Variants in IFNLR1 observed in about 807,000 individuals in gnomAD.
The protein encoded by IFNLR1 is CRF2-12.
IFNLR1 carries 28 observed loss-of-function variants against 52.5 expected under a neutral mutation model. The ratio of observed to expected loss-of-function variants is 0.53; its 90% CI spans 0.40 to 0.73. IFNLR1 has a LOEUF of 0.73. Among genes scored for constraint, IFNLR1 ranks in the 30% least tolerant of loss-of-function variants. The probability of loss-of-function intolerance (pLI) is 0.00; values close to 1 mark genes in which losing one functional copy is unlikely to be tolerated. For missense variants in IFNLR1, 623 were observed against 659.1 expected (o/e 0.95, Z 0.60); for synonymous variants, 276 against 274.9 (o/e 1.00, Z -0.04).
intron 1 of IFNLR1, among the ~76,000 whole-genome samples, chr1:24,183,096 C>G (rs1644707707): frequency 6.6e-6 from 1 of 152,090 alleles, no homozygotes; most frequent in Non-Finnish European, 1.5e-5. Context: ...GTTTTCAGTT[C>G]TGCTCTAGAT....
At chr1:24,186,596 G>A (rs1644741283) in intron 1 of IFNLR1, among the ~76,000 whole-genome samples, 1 of 152,054 alleles carries the variant, frequency 6.6e-6, no homozygotes, top group South Asian at 2.1e-4. Context: ...TGGGCGGTGA[G>A]GTTTGGTGGT....
chr1:24,182,019 G>T (rs186300961), intron 1 of IFNLR1, among the ~76,000 whole-genome samples: 2 of 152,220 alleles, frequency 1.3e-5, no homozygotes, highest in Admixed American at 6.5e-5. Flanking sequence ...GGCCAACTTG[G>T]TGAAACCTCG....
In IFNLR1 at chr1:24,155,010, A is replaced by C. The variant is rs953528977; in HGVS notation, c.*2120T>G. ...CTGATGATAGCTTTTACTTTTTTGA[A>C]GTTACCTCCACGAAGCAGCTCGGCT... On this transcript the variant is annotated 3_prime_UTR_variant, in exon 7 of 7. Transcript: ENST00000327535. 2.6e-5 allele frequency: 4 copies of C among 152,260 alleles called. No homozygotes were observed. The highest frequency in any genetic ancestry group is 5.9e-5 in the Non-Finnish European group (4 of 68,064). 9.4% of individuals were successfully genotyped at this position (152,260 alleles called of 1,614,324 possible).
chr1:24,173,591 T>A (rs548164447), intron 2 of IFNLR1, among the ~76,000 whole-genome samples: 35 of 150,736 alleles, frequency 2.3e-4, no homozygotes, highest in Admixed American at 1.3e-3. Context: ...AGATCCATTT[T>A]TCTTCTCCCT....
intron 2 of IFNLR1, 92 bp from the exon 3 acceptor site, chr1:24,169,693 G>A: frequency 1.5e-6 from 2 of 1,356,720 alleles, no homozygotes; most frequent in Non-Finnish European, 2.0e-6. Context: ...CCCTCTGTTT[G>A]GCTGGACTGA....
intron 3 of IFNLR1, among the ~76,000 whole-genome samples, chr1:24,163,053 C>T (rs1250743702): frequency 4.1e-5 from 6 of 147,296 alleles, no homozygotes; most frequent in African/African-American, 1.3e-4. Context: ...CTCTGCCTCC[C>T]GGATTCATGC....
At chr1:24,178,997 G>A (rs1409031551) in intron 2 of IFNLR1, among the ~76,000 whole-genome samples, 2 of 152,080 alleles carry the variant, frequency 1.3e-5, no homozygotes, top group African/African-American at 4.8e-5. Context: ...TTGGAGTGCA[G>A]TGGTGTGATC....
intron 3 of IFNLR1, among the ~76,000 whole-genome samples, chr1:24,165,128 C>T (rs1351915486): frequency 2.0e-5 from 3 of 152,074 alleles, no homozygotes; most frequent in African/African-American, 7.2e-5. Flanking sequence ...AGTCCTGGTT[C>T]CTTTCTGTTT....
chr1:24,169,438 A>T lies in IFNLR1; in HGVS notation c.346T>A (p.Tyr116Asn). Residue 116 changes from tyrosine (Y) to asparagine (N), a missense_variant, in exon 3 of 7, where the codon TAC (tyrosine) becomes AAC (asparagine). Transcript: ENST00000327535. ...SSKSPWVESE[Y>N]LDYLFEVEPA... ...CTACCTTCAAAAAGGTAATCCAGGT[A>T]TTCGGACTCCACCCAGGGGGACTTG... 2 of 1,614,146 alleles carry T rather than the reference A, an allele frequency of 1.2e-6. No individual in the cohort carries two copies. The highest frequency in any genetic ancestry group is 2.7e-5 in the African/African-American group (2 of 75,066).
In IFNLR1 at chr1:24,172,818, A is replaced by ATT. The variant is rs1205380465; in HGVS notation, c.183-3218_183-3217insAA. The stretch of plus-strand genomic sequence containing the variant: ...GGAAGTCCAAGATCAAGGCATCAGC[A>ATT]GGTTTGGTTTCTACTGAGGCCTCTC... On this transcript the variant is annotated intron_variant, in intron 2 of 6. Transcript: ENST00000327535. 7.2e-5 allele frequency among the ~76,000 whole-genome samples: 11 copies of ATT among 152,298 alleles called. No individual in the cohort carries two copies. The East Asian group carries it at 2.1e-3, about 29-fold the overall frequency.
intron 5 of IFNLR1, 111 bp from the exon 6 acceptor site, chr1:24,159,293 C>A (rs1237899044): frequency 7.1e-7 from 1 of 1,399,062 alleles, no homozygotes; most frequent in South Asian, 1.3e-5. Context: ...CAAGAATAAA[C>A]CCATCCTGCA....
At chr1:24,162,880 C>CT (rs1557644382) in intron 3 of IFNLR1, among the ~76,000 whole-genome samples, 293 of 19,958 alleles carry the variant, frequency 0.015, 14 homozygotes, top group African/African-American at 0.017. Context: ...TCTTTCTTTC[C>CT]TTCCTTCCTT....
rs1204218159 is a variant in IFNLR1 at position 24,161,554 on chromosome 1, C to T, written c.498G>A (p.Gly166=). ...AGGAGCTTCCCACCTTGTTTCCGGC[C>T]CCCTCCTTCCAGAATGCCACCTCAT... ...LKYEVAFWKE[G]AGNKTLFPVT... The change falls in exon 4 of 7, where the codon GGG becomes GGA. Residue 166 remains glycine, a synonymous_variant. Coordinates refer to ENST00000327535, the MANE Select transcript of IFNLR1 (RefSeq NM_170743.4). 6.4e-7 allele frequency: 1 copy of T among 1,555,224 alleles called. No homozygotes were observed.
At chr1:24,161,483 C>T (rs1481984358) in intron 4 of IFNLR1, 59 bp downstream of exon 4, 2 of 1,547,594 alleles carry the variant, frequency 1.3e-6, no homozygotes, top group African/African-American at 1.4e-5. Context: ...TGAGAAGAAC[C>T]TGAGTAAGAA....
At position 24,155,471 on chromosome 1, in the gene IFNLR1, T is replaced by C. The variant is rs1216515953; in HGVS notation, c.*1659A>G. On this transcript the variant is annotated 3_prime_UTR_variant, in exon 7 of 7. Transcript: ENST00000327535. ...AGTGGTTTGCTAACTTTTTCTTGAG[T>C]AGTGGATCCCTCTAAACAAAACCTC... 2 of 152,212 alleles carry C rather than the reference T, an allele frequency of 1.3e-5. No individual in the cohort carries two copies. The highest frequency in any genetic ancestry group is 4.8e-5 in the African/African-American group (2 of 41,446). 9.4% of individuals were successfully genotyped at this position (152,212 alleles called of 1,614,324 possible).
At chr1:24,169,749 A>T in intron 2 of IFNLR1, 148 bp from the exon 3 acceptor site, 1 of 781,384 alleles carries the variant, frequency 1.3e-6, no homozygotes. Flanking sequence ...CTGAGACAGG[A>T]TAAGAACAGC....
intron 2 of IFNLR1, among the ~76,000 whole-genome samples, chr1:24,176,423 C>A (rs58340988): frequency 0.097 from 14,795 of 152,142 alleles, 1,992 homozygotes; most frequent in African/African-American, 0.3. Context: ...ACGTGGGTGC[C>A]CACTTTTGTC....
rs1307148770 is a variant in IFNLR1 at position 24,157,198 on chromosome 1, A to G, written c.1495T>C (p.Trp499Arg). The change falls in exon 7 of 7, where the codon TGG becomes CGG. Residue 499 changes from tryptophan (W) to arginine (R), a missense_variant. Coordinates refer to ENST00000327535, the MANE Select transcript of IFNLR1 (RefSeq NM_170743.4). This position sits in a 1 kb window ranked among gnomAD's most constrained non-coding sequence, Gnocchi z 5.1. ...SEIEDSDAGS[W>R]GAESTQRTED... ...GTCCTCTGGGTGCTCTCAGCCCCCC[A>G]GCTGCCCGCATCGCTGTCCTCAATT... 6.2e-7 allele frequency: 1 copy of G among 1,614,078 alleles called. No homozygotes were observed. Among genetic ancestry groups the G allele is most frequent in the Non-Finnish European group, 8.5e-7 (1 of 1,179,994 alleles).
chr1:24,159,038 C>G lies in IFNLR1; in HGVS notation c.801+14G>C, dbSNP rs773197998. On this transcript the variant is annotated intron_variant, in intron 6 of 6. Transcript: ENST00000327535. ...CCCCTCCCCACCTGCTGCACACCCC[C>G]AGATTTGCTATACCAGGGCCCGTGG... 113 of 1,613,020 alleles carry G rather than the reference C, an allele frequency of 7.0e-5. No individual in the cohort carries two copies. The highest frequency in any genetic ancestry group is 1.6e-4 in the East Asian group (7 of 44,878).
Sources: allele counts gnomAD v4.1 joint callset (sites outside exome capture counted in the v4.1 genomes callset), GRCh38; gene constraint gnomAD v4.1.1; non-coding constraint Gnocchi (gnomAD v3.1); transcripts MANE v1.5; gene names NCBI Gene and HGNC (gene_info 2026-07-23, HGNC 2026-07-21).